TAS2R1: variants seen among roughly 807,000 people sequenced by gnomAD.
TAS2R1 encodes the protein taste receptor type 2 member 1.
For synonymous variants in TAS2R1, 141 were observed against 134.2 expected, an observed-to-expected ratio of 1.05 and a Z score of -0.35; for missense variants, 370 against 353.4, an observed-to-expected ratio of 1.05 and a Z score of -0.38.
At chr5:9,696,555 C>A (rs1741359862) in intron 1 of TAS2R1, among the ~76,000 whole-genome samples, 1 of 150,488 alleles carries the variant, frequency 6.6e-6, no homozygotes, top group African/African-American at 2.5e-5. Context: ...GAGCGAGATG[C>A]CATCTCAAAA....
the TAS2R1 span, among the ~76,000 whole-genome samples, chr5:9,765,068 A>G: frequency 6.6e-6 from 1 of 152,144 alleles, no homozygotes. Context: ...ACATATATAC[A>G]CACACACAAA....
intron 1 of TAS2R1, among the ~76,000 whole-genome samples, chr5:9,667,229 T>C (rs1740652193): frequency 6.6e-6 from 1 of 152,198 alleles, no homozygotes; most frequent in African/African-American, 2.4e-5. Context: ...AACTTGCAGC[T>C]TCCTGTTGTC....
chr5:9,658,241 G>A (rs1376333965), intron 2 of TAS2R1, among the ~76,000 whole-genome samples: 2 of 152,162 alleles, frequency 1.3e-5, no homozygotes, highest in Non-Finnish European at 2.9e-5. Context: ...AACTCTGTGA[G>A]GGAAGAATTA....
At chr5:9,724,769 T>G in the TAS2R1 span, among the ~76,000 whole-genome samples, 1 of 152,228 alleles carries the variant, frequency 6.6e-6, no homozygotes, top group Non-Finnish European at 1.5e-5. Context: ...TATTCATGTG[T>G]ACCCACTTGG....
chr5:9,737,648 C>T, the TAS2R1 span, among the ~76,000 whole-genome samples: 1 of 152,120 alleles, frequency 6.6e-6, no homozygotes, highest in African/African-American at 2.4e-5. Flanking sequence ...TCCCTGGCTC[C>T]TTCCAAGTGG....
chr5:9,790,518 T>A, the TAS2R1 span, among the ~76,000 whole-genome samples: 1 of 152,222 alleles, frequency 6.6e-6, no homozygotes, highest in African/African-American at 2.4e-5. Context: ...TCATCATTTG[T>A]AAGATGCATC....
chr5:9,847,350 G>T, the TAS2R1 span, among the ~76,000 whole-genome samples: 1 of 152,098 alleles, frequency 6.6e-6, no homozygotes, highest in African/African-American at 2.4e-5. Flanking sequence ...TCCCCCTTTT[G>T]ATTTTTATAA....
chr5:9,796,355 T>C, the TAS2R1 span, among the ~76,000 whole-genome samples: 3 of 152,138 alleles, frequency 2.0e-5, no homozygotes, highest in Non-Finnish European at 2.9e-5. Context: ...GCAGGGACTG[T>C]CACCCTACCC....
the TAS2R1 span, among the ~76,000 whole-genome samples, chr5:9,744,364 C>A: frequency 6.6e-6 from 1 of 152,086 alleles, no homozygotes; most frequent in Non-Finnish European, 1.5e-5. Flanking sequence ...TAAGTGGACA[C>A]GTTCATTAGT....
chr5:9,749,269 G>A, the TAS2R1 span, among the ~76,000 whole-genome samples: 4 of 152,218 alleles, frequency 2.6e-5, no homozygotes, highest in East Asian at 5.8e-4. Flanking sequence ...TGATGTCAAA[G>A]TTGGAGAATG....
intron 1 of TAS2R1, among the ~76,000 whole-genome samples, chr5:9,688,309 C>G (rs1561379236): frequency 6.7e-6 from 1 of 149,636 alleles, no homozygotes; most frequent in African/African-American, 2.6e-5. Context: ...CCTCAGCGCT[C>G]CCCCCCTCAA....
the TAS2R1 span, among the ~76,000 whole-genome samples, chr5:9,852,959 T>C: frequency 9.2e-5 from 14 of 152,218 alleles, 1 homozygote; most frequent in African/African-American, 3.4e-4. Context: ...CTGAGCTAGT[T>C]AGTATAGAAA....
At chr5:9,863,919 C>T in the TAS2R1 span, among the ~76,000 whole-genome samples, 8 of 152,216 alleles carry the variant, frequency 5.3e-5, no homozygotes, top group Admixed American at 5.2e-4. Flanking sequence ...CTGTACTCAA[C>T]TAATGGCTAA....
At chr5:9,847,201 C>T in the TAS2R1 span, among the ~76,000 whole-genome samples, 1,143 of 152,312 alleles carry the variant, frequency 7.5e-3, 7 homozygotes, top group Middle Eastern at 0.02. Flanking sequence ...TTACAAACAG[C>T]CTTATCATAT....
At chr5:9,709,892 T>C (rs1382454015) in intron 1 of TAS2R1, among the ~76,000 whole-genome samples, 1 of 152,250 alleles carries the variant, frequency 6.6e-6, no homozygotes, top group Non-Finnish European at 1.5e-5. Flanking sequence ...GGGGGTGATT[T>C]ATTATGCAGT....
At chr5:9,792,885 A>G in the TAS2R1 span, among the ~76,000 whole-genome samples, 1 of 152,168 alleles carries the variant, frequency 6.6e-6, no homozygotes, top group Admixed American at 6.5e-5. Context: ...TCTGATCAAA[A>G]TGTTCATTCT....
chr5:9,859,638 T>C, the TAS2R1 span, among the ~76,000 whole-genome samples: 1 of 152,200 alleles, frequency 6.6e-6, no homozygotes, highest in East Asian at 1.9e-4. Context: ...GTCACACGCA[T>C]TCAAGCAAAG....
the TAS2R1 span, among the ~76,000 whole-genome samples, chr5:9,744,847 C>T: frequency 2.6e-5 from 4 of 152,116 alleles, no homozygotes; most frequent in Non-Finnish European, 5.9e-5. Flanking sequence ...AACATGTATA[C>T]AATGTTATGG....
chr5:9,743,701 T>C, the TAS2R1 span, among the ~76,000 whole-genome samples: 1 of 152,186 alleles, frequency 6.6e-6, no homozygotes, highest in African/African-American at 2.4e-5. Flanking sequence ...GAATTGTACA[T>C]AACATAGACT....
Sources: gnomAD v4.1 joint callset for allele counts (sites outside exome capture counted in the v4.1 genomes callset) on GRCh38, gnomAD v4.1.1 for gene constraint, MANE v1.5 for transcripts, NCBI Gene and HGNC (gene_info 2026-07-23, HGNC 2026-07-21) for gene names.